HS6ST3: variants seen among roughly 807,000 people sequenced by gnomAD.
HS6ST3 encodes heparan sulfate 6-O-sulfotransferase 3.
A neutral mutation model predicts 36.7 loss-of-function variants in HS6ST3; 12 were observed. That is an observed-to-expected ratio of 0.33 (90% CI 0.21 to 0.53). The LOEUF (loss-of-function observed/expected upper bound fraction) is 0.53, where lower values mean the gene tolerates loss of function less well. Among genes scored for constraint, HS6ST3 ranks in the 20% least tolerant of loss-of-function variants. The probability of loss-of-function intolerance (pLI) is 0.95; values close to 1 mark genes in which losing one functional copy is unlikely to be tolerated. For missense variants in HS6ST3, 584 were observed against 640.9 expected, an observed-to-expected ratio of 0.91 and a Z score of 0.96; for synonymous variants, 240 against 257.5, an observed-to-expected ratio of 0.93 and a Z score of 0.65.
At chr13:96,517,550 C>A (rs2056077452) in intron 1 of HS6ST3, among the ~76,000 whole-genome samples, 1 of 152,142 alleles carries the variant, frequency 6.6e-6, no homozygotes, top group South Asian at 2.1e-4. Flanking sequence ...ACTGTAGTAG[C>A]CCATGCACCT....
chr13:96,107,549 T>A (rs529052029), intron 1 of HS6ST3, among the ~76,000 whole-genome samples: 13 of 152,246 alleles, frequency 8.5e-5, no homozygotes, highest in African/African-American at 3.1e-4. Context: ...TGACATGTGC[T>A]CCAGAAGACT....
In HS6ST3 at chr13:96,347,938, A is replaced by G. The variant is rs2055163714; in HGVS notation, c.707+256369A>G. Reference sequence around the variant, plus strand: ...ACATTTCCCAGTAGGCTTCAGGCCAATTAAAGCAAGGAACATAAATCTCTT... The same window carrying G: ...ACATTTCCCAGTAGGCTTCAGGCCAGTTAAAGCAAGGAACATAAATCTCTT... On this transcript the variant is annotated intron_variant, in intron 1 of 1. Coordinates refer to ENST00000376705, the MANE Select transcript of HS6ST3 (RefSeq NM_153456.4). Among the ~76,000 whole-genome samples, 3 of 152,224 alleles carry G rather than the reference A, an allele frequency of 2.0e-5. No individual in the cohort carries two copies. In the South Asian group the frequency reaches 6.2e-4, roughly 32 times the overall value.
At chr13:96,585,535 ATATAGTAGATCT>A (rs2056357811) in intron 1 of HS6ST3, among the ~76,000 whole-genome samples, 2 of 152,146 alleles carry the variant, frequency 1.3e-5, no homozygotes, top group Non-Finnish European at 2.9e-5. Context: ...TCACCATGCT[ATATAGTAGATCT>A]CTTGAAGTTA....
chr13:96,588,131 T>C (rs2056368654), intron 1 of HS6ST3, among the ~76,000 whole-genome samples: 1 of 152,166 alleles, frequency 6.6e-6, no homozygotes. Flanking sequence ...TTGCTTATTA[T>C]TTCTAACAGT....
chr13:96,688,451 C>G (rs1217339256), intron 1 of HS6ST3, among the ~76,000 whole-genome samples: 1 of 151,928 alleles, frequency 6.6e-6, no homozygotes, highest in Non-Finnish European at 1.5e-5. Flanking sequence ...AGTCTGGATC[C>G]AAAGAATGAA....
chr13:96,320,220 A>C (rs1306234708), intron 1 of HS6ST3, among the ~76,000 whole-genome samples: 1 of 152,002 alleles, frequency 6.6e-6, no homozygotes, highest in Non-Finnish European at 1.5e-5. Context: ...TCTTCTACAC[A>C]CTGTTTTATT....
chr13:96,173,037 G>T (rs971032952), intron 1 of HS6ST3, among the ~76,000 whole-genome samples: 3 of 151,880 alleles, frequency 2.0e-5, no homozygotes, highest in African/African-American at 7.3e-5. Flanking sequence ...AACAAAGTAG[G>T]TAGAACCCTA....
chr13:96,317,257 G>A (rs1237035012), intron 1 of HS6ST3, among the ~76,000 whole-genome samples: 1 of 148,500 alleles, frequency 6.7e-6, no homozygotes, highest in Non-Finnish European at 1.5e-5. Flanking sequence ...TAGGATTATA[G>A]TCTCCAGCTC....
chr13:96,438,385 T>C (rs1213959267), intron 1 of HS6ST3, among the ~76,000 whole-genome samples: 1 of 152,236 alleles, frequency 6.6e-6, no homozygotes, highest in Non-Finnish European at 1.5e-5. Context: ...AAATTCTTAT[T>C]TTACAGATAA....
At chr13:96,622,822 C>A (rs2056499521) in intron 1 of HS6ST3, among the ~76,000 whole-genome samples, 1 of 152,018 alleles carries the variant, frequency 6.6e-6, no homozygotes, top group Non-Finnish European at 1.5e-5. Flanking sequence ...TTAGTTCTTT[C>A]ATTCTGTCTT....
At chr13:96,710,462 C>T (rs1300529758) in intron 1 of HS6ST3, among the ~76,000 whole-genome samples, 4 of 152,254 alleles carry the variant, frequency 2.6e-5, no homozygotes, top group African/African-American at 9.6e-5. Flanking sequence ...AAAAACTAGG[C>T]TACATCAAGC....
At chr13:96,695,281 T>C (rs2138448200) in intron 1 of HS6ST3, among the ~76,000 whole-genome samples, 1 of 152,284 alleles carries the variant, frequency 6.6e-6, no homozygotes, top group South Asian at 2.1e-4. Context: ...TTCTACCCTT[T>C]GTGATGGACA....
chr13:96,173,235 A>G (rs1234353283), intron 1 of HS6ST3, among the ~76,000 whole-genome samples: 1 of 152,190 alleles, frequency 6.6e-6, no homozygotes, highest in African/African-American at 2.4e-5. Flanking sequence ...AGGTGTGATT[A>G]TCATCATTTT....
intron 1 of HS6ST3, among the ~76,000 whole-genome samples, chr13:96,713,048 G>A (rs1387228590): frequency 6.6e-6 from 1 of 152,132 alleles, no homozygotes; most frequent in African/African-American, 2.4e-5. Flanking sequence ...TCCTTGTTTG[G>A]TACCACAACT....
chr13:96,139,261 A>C (rs2054017570), intron 1 of HS6ST3, among the ~76,000 whole-genome samples: 1 of 152,138 alleles, frequency 6.6e-6, no homozygotes, highest in East Asian at 1.9e-4. Context: ...ATGTGAAATA[A>C]TTCCTGCAGT....
chr13:96,739,758 A>G (rs192137259), intron 1 of HS6ST3, among the ~76,000 whole-genome samples: 1 of 152,184 alleles, frequency 6.6e-6, no homozygotes, highest in Non-Finnish European at 1.5e-5. Flanking sequence ...CATCCAGCGC[A>G]GCCCACCAGA....
At chr13:96,523,865 C>T (rs1369657364) in intron 1 of HS6ST3, among the ~76,000 whole-genome samples, 1 of 152,176 alleles carries the variant, frequency 6.6e-6, no homozygotes, top group Non-Finnish European at 1.5e-5. Context: ...TCTGTCAACT[C>T]GTCAAACTCA....
intron 1 of HS6ST3, among the ~76,000 whole-genome samples, chr13:96,314,586 T>C (rs894522559): frequency 6.6e-6 from 1 of 152,166 alleles, no homozygotes; most frequent in Non-Finnish European, 1.5e-5. Flanking sequence ...AGGGTAGATA[T>C]TTTATGTTAA....
chr13:96,398,406 C>A (rs2055433015), intron 1 of HS6ST3, among the ~76,000 whole-genome samples: 1 of 152,132 alleles, frequency 6.6e-6, no homozygotes, highest in Non-Finnish European at 1.5e-5. Flanking sequence ...CCTCAGCCTC[C>A]CAAGTAGCTG....
Sources: gnomAD v4.1 joint callset for allele counts (sites outside exome capture counted in the v4.1 genomes callset) on GRCh38, gnomAD v4.1.1 for gene constraint, MANE v1.5 for transcripts, NCBI Gene and HGNC (gene_info 2026-07-23, HGNC 2026-07-21) for gene names.